Variants in PCDHA5 observed in about 807,000 individuals in gnomAD.
The protein encoded by PCDHA5 is protocadherin alpha 5, also known as protocadherin alpha-5.
A neutral mutation model predicts 61.6 loss-of-function variants in PCDHA5; 43 were observed. The observed-to-expected ratio is 0.70, with a 90% CI of 0.55 to 0.90. PCDHA5 has a LOEUF of 0.90. PCDHA5 is among the 40% of genes least tolerant of loss of function. The pLI is 0.00. For missense variants in PCDHA5, 1,298 were observed against 1,222.7 expected (o/e 1.06, Z -0.92); for synonymous variants, 627 against 543.9 (o/e 1.15, Z -2.13).
chr5:140,875,749 G>C, intron 1 of PCDHA5: 1 of 1,614,264 alleles, frequency 6.2e-7, no homozygotes, highest in Non-Finnish European at 8.5e-7. Flanking sequence ...GATCGACCGC[G>C]AGAAGCTGTG....
rs1412963703 is a variant in PCDHA5, at chr5:140,852,839, T to C, written c.2352+28712T>C. 5.2e-6 allele frequency: 5 copies of C among 968,992 alleles called. 1 individual carries two copies. Among genetic ancestry groups the C allele is most frequent in the Non-Finnish European group, 6.2e-6 (5 of 802,288 alleles). The allele number at this position is 968,992 out of a possible 1,614,324, so 60.0% of individuals were successfully genotyped here. On this transcript the variant is annotated intron_variant, in intron 1 of 3. Coordinates refer to ENST00000529859, the MANE Select transcript of PCDHA5 (RefSeq NM_018908.3). Reference sequence around the variant, plus strand: ...CTAAGTCCTCCAGTCTCCTTAGAGCTAGTACTTACTAAGCATTTACTATGT... The same window carrying C: ...CTAAGTCCTCCAGTCTCCTTAGAGCCAGTACTTACTAAGCATTTACTATGT...
intron 2 of PCDHA5, among the ~76,000 whole-genome samples, chr5:140,980,840 A>G (rs1248070793): frequency 1.3e-5 from 2 of 152,200 alleles, no homozygotes; most frequent in African/African-American, 4.8e-5. Context: ...GAACCTAAAT[A>G]ATACTAATCT....
At chr5:140,953,554 A>C (rs1554220985) in intron 1 of PCDHA5, among the ~76,000 whole-genome samples, 2 of 152,044 alleles carry the variant, frequency 1.3e-5, no homozygotes, top group Non-Finnish European at 2.9e-5. Flanking sequence ...TCTTTTCTCC[A>C]AGTTTTAGTG....
intron 1 of PCDHA5, among the ~76,000 whole-genome samples, chr5:140,892,835 A>G (rs2063695508): frequency 6.6e-6 from 1 of 152,200 alleles, no homozygotes. Context: ...ACAGTGCTGC[A>G]AAACACCACA....
At position 140,843,305 on chromosome 5, in the gene PCDHA5, A is replaced by T. The variant is rs2150356964; in HGVS notation, c.2352+19178A>T. ...TCATGGTGAACCTGCGCTGACCGCCACGGCCACGGTTCTGGTGTCGCTGGT... is the reference window on the plus strand; with the variant it reads ...TCATGGTGAACCTGCGCTGACCGCCTCGGCCACGGTTCTGGTGTCGCTGGT... On this transcript the variant is annotated intron_variant, in intron 1 of 3. Coordinates refer to ENST00000529859, the MANE Select transcript of PCDHA5 (RefSeq NM_018908.3). 1.9e-6 allele frequency: 3 copies of T among 1,595,938 alleles called. No homozygotes were observed. In the East Asian group the frequency reaches 6.7e-5, roughly 36 times the overall value.
chr5:140,918,706 G>A (rs528090085), intron 1 of PCDHA5, among the ~76,000 whole-genome samples: 10 of 152,108 alleles, frequency 6.6e-5, no homozygotes, highest in Non-Finnish European at 1.5e-4. Context: ...AGTCATGAGG[G>A]CAGAGCCCTC....
chr5:140,944,316 T>G (rs140163712), intron 1 of PCDHA5, among the ~76,000 whole-genome samples: 1 of 151,958 alleles, frequency 6.6e-6, no homozygotes, highest in Non-Finnish European at 1.5e-5. Context: ...GCCTCCTGAG[T>G]AGCTGGGATT....
intron 1 of PCDHA5, chr5:140,834,269 A>C: frequency 9.7e-7 from 1 of 1,036,048 alleles, no homozygotes; most frequent in Non-Finnish European, 1.4e-6. Flanking sequence ...ACTCTCTTTC[A>C]CTCTTTGGAT....
At position 140,870,817 on chromosome 5, in the gene PCDHA5, G is replaced by C. The variant is rs782095168; in HGVS notation, c.2352+46690G>C. On this transcript the variant is annotated intron_variant, in intron 1 of 3. Coordinates refer to ENST00000529859, the MANE Select transcript of PCDHA5 (RefSeq NM_018908.3). ...ACTGCTGGCGACTCAGGCTGGCAGCGCGGGAGGCGCAGTTAACAAGCTAGT... is the reference window on the plus strand; with the variant it reads ...ACTGCTGGCGACTCAGGCTGGCAGCCCGGGAGGCGCAGTTAACAAGCTAGT... The C allele has an allele frequency of 9.9e-6, 16 of 1,613,726 alleles. No individual in the cohort carries two copies. In the South Asian group the frequency reaches 1.3e-4, roughly 13 times the overall value.
At position 140,822,392 on chromosome 5, in the gene PCDHA5, A is replaced by G. The variant is rs17844288; in HGVS notation, c.617A>G (p.Glu206Gly). 2.5e-6 allele frequency: 4 copies of G among 1,614,134 alleles called. No homozygotes were observed. In the East Asian group the frequency reaches 8.9e-5, roughly 36 times the overall value. ...TCCTTAGATAGAGAAGAAACACAAGAACACCGTTTATTAGTGATTGCAACT... is the reference window on the plus strand; with the variant it reads ...TCCTTAGATAGAGAAGAAACACAAGGACACCGTTTATTAGTGATTGCAACT... ...RKSLDREETQEHRLLVIATDG... is the reference protein window; with the variant it reads ...RKSLDREETQGHRLLVIATDG... Residue 206 changes from glutamate to glycine, a missense_variant, in exon 1 of 4, where the codon GAA becomes GGA. Coordinates refer to ENST00000529859, the MANE Select transcript of PCDHA5 (RefSeq NM_018908.3).
chr5:141,001,069 C>T (rs1422093659), intron 3 of PCDHA5, among the ~76,000 whole-genome samples: 15 of 152,106 alleles, frequency 9.9e-5, no homozygotes, highest in African/African-American at 3.1e-4. Flanking sequence ...AAATTAAATA[C>T]ATGCAAAATA....
chr5:140,993,265 C>A (rs1196226593), intron 3 of PCDHA5, among the ~76,000 whole-genome samples: 1 of 152,062 alleles, frequency 6.6e-6, no homozygotes, highest in Non-Finnish European at 1.5e-5. Flanking sequence ...AAATTAGCTT[C>A]TTTGGTCTTT....
chr5:140,892,509 A>G (rs2063553980), intron 1 of PCDHA5, among the ~76,000 whole-genome samples: 1 of 152,220 alleles, frequency 6.6e-6, no homozygotes, highest in Admixed American at 6.5e-5. Context: ...AAGAAGTTCC[A>G]CCATGACTGG....
chr5:140,836,931 A>G (rs1774819747), intron 1 of PCDHA5: 4 of 485,440 alleles, frequency 8.2e-6, no homozygotes, highest in South Asian at 4.0e-5. Context: ...GATGCGTAAT[A>G]CTATAGATCA....
At chr5:140,834,516 G>T (rs2150220231) in intron 1 of PCDHA5, 1 of 1,614,110 alleles carries the variant, frequency 6.2e-7, no homozygotes, top group Non-Finnish European at 8.5e-7. Context: ...TGGCAACTTC[G>T]TGGGCCGCAT....
intron 1 of PCDHA5, chr5:140,843,142 T>G (rs1778605767): frequency 6.3e-7 from 1 of 1,595,790 alleles, no homozygotes; most frequent in East Asian, 2.2e-5. Context: ...ACGCGTGGCT[T>G]TCGTATGAGC....
chr5:140,903,049 A>G (rs2069961526), intron 1 of PCDHA5, among the ~76,000 whole-genome samples: 1 of 152,080 alleles, frequency 6.6e-6, no homozygotes, highest in Non-Finnish European at 1.5e-5. Flanking sequence ...TTTTCATGTA[A>G]TGACTTCTTT....
At chr5:140,867,727 A>G (rs1554161460) in intron 1 of PCDHA5, 1 of 152,094 alleles carries the variant, frequency 6.6e-6, no homozygotes. Context: ...GAAAAGACAA[A>G]GAAAATTCAA....
chr5:140,852,149 G>T (rs940913819), intron 1 of PCDHA5: 1 of 867,026 alleles, frequency 1.2e-6, no homozygotes. Flanking sequence ...AGATCAGAAT[G>T]GCCTTGAGAA....
Sources: gnomAD v4.1 joint callset for allele counts (sites outside exome capture counted in the v4.1 genomes callset) on GRCh38, gnomAD v4.1.1 for gene constraint, MANE v1.5 for transcripts, NCBI Gene and HGNC (gene_info 2026-07-23, HGNC 2026-07-21) for gene names.